The following BIN1 variants were observed in gnomAD, a reference collection of about 807,000 sequenced individuals.
BIN1 encodes the protein myc box-dependent-interacting protein 1.
Under a neutral mutation model 82.0 loss-of-function variants are expected in BIN1, and 53 were observed. The ratio of observed to expected loss-of-function variants is 0.65; its 90% confidence interval spans 0.52 to 0.81. BIN1 has a LOEUF of 0.81. BIN1 is among the 40% of genes least tolerant of loss of function. BIN1 has a pLI of 0.00. For missense variants in BIN1, 642 were observed against 784.4 expected, an observed-to-expected ratio of 0.82 and a Z score of 2.17; for synonymous variants, 302 against 328.0, an observed-to-expected ratio of 0.92 and a Z score of 0.86.
At chr2:127,058,600 C>A (rs1452567726) in intron 11 of BIN1, among the ~76,000 whole-genome samples, 1 of 152,156 alleles carries the variant, frequency 6.6e-6, no homozygotes, top group African/African-American at 2.4e-5. Context: ...CTGGCTTGGG[C>A]TCCTCCCTCA....
At chr2:127,085,353 A>C (rs1677991650) in intron 1 of BIN1, among the ~76,000 whole-genome samples, 2 of 152,246 alleles carry the variant, frequency 1.3e-5, no homozygotes, top group South Asian at 4.1e-4. Flanking sequence ...CAATGACTTT[A>C]AAGATAAGTG....
At chr2:127,105,470 T>C (rs10538293) in intron 1 of BIN1, among the ~76,000 whole-genome samples, 140 of 52,516 alleles carry the variant, frequency 2.7e-3, no homozygotes, top group South Asian at 7.7e-3. Context: ...CTTTAATCCC[T>C]CCTCCTCCTC....
intron 1 of BIN1, among the ~76,000 whole-genome samples, chr2:127,102,747 C>T (rs1180923041): frequency 1.3e-5 from 2 of 152,346 alleles, no homozygotes; most frequent in African/African-American, 2.4e-5. Flanking sequence ...CCACACACAC[C>T]TGGGCCCACC....
At position 127,048,521 on chromosome 2, in the gene BIN1, C is replaced by T. The variant is rs750204365; in HGVS notation, c.*5G>A. Reference sequence around the variant, plus strand: ...ACACGCCCGGAGGCTGCCTGGGCCCCGCCGTCATGGGACCCTCTCAGTGAA... The same window carrying T: ...ACACGCCCGGAGGCTGCCTGGGCCCTGCCGTCATGGGACCCTCTCAGTGAA... On this transcript the variant is annotated 3_prime_UTR_variant, in exon 19 of 19. Coordinates refer to ENST00000316724, the MANE Select transcript of BIN1 (RefSeq NM_139343.3). 5.0e-6 allele frequency: 8 copies of T among 1,613,664 alleles called. No homozygotes were observed. Among genetic ancestry groups the T allele is most frequent in the Admixed American group, 3.3e-5 (2 of 60,010 alleles).
Position 127,078,944 on chromosome 2 carries a change from G to T in BIN1, c.85-2238C>A, listed in dbSNP as rs915602737. On this transcript the variant is annotated intron_variant, in intron 1 of 18. Transcript: ENST00000316724. The stretch of plus-strand genomic sequence containing the variant: ...CCAGAGCCACCAGAGAGAGCCAGAA[G>T]CTCTCAGAAACAGGGCAGGGACTGC... Among the ~76,000 whole-genome samples the T allele has an allele frequency of 2.0e-5, 3 of 149,322 alleles. 1 individual carries two copies. The South Asian group carries it at 6.4e-4, about 32-fold the overall frequency.
chr2:127,101,448 C>A (rs1164221559), intron 1 of BIN1, among the ~76,000 whole-genome samples: 1 of 152,136 alleles, frequency 6.6e-6, no homozygotes, highest in African/African-American at 2.4e-5. Context: ...GGGACACATG[C>A]AGAAAGTCCT....
intron 1 of BIN1, among the ~76,000 whole-genome samples, chr2:127,105,469 CT>C (rs199528189): frequency 0.39 from 54,897 of 142,058 alleles, 10,538 homozygotes; most frequent in African/African-American, 0.48. Context: ...GCTTTAATCC[CT>C]CCTCCTCCTC....
At chr2:127,089,986 C>T (rs1678706782) in intron 1 of BIN1, among the ~76,000 whole-genome samples, 1 of 149,818 alleles carries the variant, frequency 6.7e-6, no homozygotes, top group Non-Finnish European at 1.5e-5. Flanking sequence ...ACGCCCTACT[C>T]CCCCAACCCC....
chr2:127,059,190 G>A lies in BIN1; in HGVS notation c.858-35C>T, dbSNP rs1422351865. 6.4e-7 allele frequency: 1 copy of A among 1,554,588 alleles called. No individual in the cohort carries two copies. The highest frequency in any genetic ancestry group is 8.7e-7 in the Non-Finnish European group (1 of 1,150,252). On this transcript the variant is annotated intron_variant, in intron 10 of 18. Transcript: ENST00000316724. The surrounding 1 kb of genome is among the most constrained non-coding windows in gnomAD (Gnocchi z 6.7). ...AGGACAAGAAAGGGAGCCCAGTGTT[G>A]GGGGGCCAAGGCACAGGAGACGGAG...
intron 1 of BIN1, among the ~76,000 whole-genome samples, chr2:127,081,043 A>G (rs892733623): frequency 5.9e-5 from 9 of 152,204 alleles, no homozygotes; most frequent in African/African-American, 2.2e-4. Context: ...GTGAGAGGGC[A>G]GAAGGCCCTG....
chr2:127,072,609 G>A (rs1686034021), intron 2 of BIN1, among the ~76,000 whole-genome samples: 1 of 136,930 alleles, frequency 7.3e-6, no homozygotes, highest in Non-Finnish European at 1.5e-5. Flanking sequence ...ATAATTTAAA[G>A]AGAGCATGTG....
At chr2:127,051,285 A>G (rs747527685) in intron 15 of BIN1, 42 bp from the exon 16 acceptor site, 1 of 1,603,004 alleles carries the variant, frequency 6.2e-7, no homozygotes, top group South Asian at 1.1e-5. Context: ...ACAGGACAGG[A>G]CACAGCCAGG....
At chr2:127,077,718 G>A (rs1174087045) in intron 1 of BIN1, among the ~76,000 whole-genome samples, 2 of 152,128 alleles carry the variant, frequency 1.3e-5, no homozygotes, top group African/African-American at 4.8e-5. Context: ...CACAGAAAAG[G>A]GATGAGGAGT....
chr2:127,056,134 C>T (rs2104921748), intron 12 of BIN1: 1 of 152,388 alleles, frequency 6.6e-6, no homozygotes, highest in Non-Finnish European at 1.5e-5. Context: ...GAAAACCAAA[C>T]AATGGGGTAT....
rs936528767 is a variant in BIN1 at position 127,075,566 on chromosome 2, C to T, written c.165+1060G>A. 3.9e-5 allele frequency among the ~76,000 whole-genome samples: 6 copies of T among 152,284 alleles called. No individual in the cohort carries two copies. The South Asian group carries it at 1.2e-3, about 32-fold the overall frequency. On this transcript the variant is annotated intron_variant, in intron 2 of 18. Coordinates refer to ENST00000316724, the MANE Select transcript of BIN1 (RefSeq NM_139343.3). ...TAAAGGACAATCAGCTAAGGGGGCT[C>T]CCCAATCCCTGTCCAGGGAAGCCTG...
chr2:127,100,296 G>A (rs1391848695), intron 1 of BIN1, among the ~76,000 whole-genome samples: 1 of 152,040 alleles, frequency 6.6e-6, no homozygotes, highest in Non-Finnish European at 1.5e-5. Flanking sequence ...CTAGACCCCA[G>A]GTGGAGCTGG....
rs1420447028 is a variant in BIN1, at chr2:127,101,008, G to GGGGGGGT, written c.84+5851_84+5852insACCCCCC. On this transcript the variant is annotated intron_variant, in intron 1 of 18. Transcript: ENST00000316724. Reference sequence around the variant, plus strand: ...CAAGGGTAGGAATGTGCGGGGGGTGGGGATAGACTCAAACTCAGCTGTCTA... The same window carrying GGGGGGGT: ...CAAGGGTAGGAATGTGCGGGGGGTGGGGGGGGTGGATAGACTCAAACTCAGCTGTCTA... 1.1e-4 allele frequency among the ~76,000 whole-genome samples: 15 copies of GGGGGGGT among 138,214 alleles called. No homozygotes were observed. In the East Asian group the frequency reaches 1.7e-3, roughly 16 times the overall value. The allele number at this position is 138,214 out of a possible 152,430, so 90.7% of individuals were successfully genotyped here.
chr2:127,067,224 G>A lies in BIN1; in HGVS notation c.612+939C>T. On this transcript the variant is annotated intron_variant, in intron 7 of 18. Transcript: ENST00000316724. This position sits in a 1 kb window ranked among gnomAD's most constrained non-coding sequence, Gnocchi z 4.7. ...GCCCAGAGAGAAACCCAACCTCCGG[G>A]GCCGGGCCCCTATCGCCAGCCTCTC... is the stretch of plus-strand genomic sequence containing the variant. Among the ~76,000 whole-genome samples the A allele has an allele frequency of 6.6e-6, 1 of 152,146 alleles. No individual in the cohort carries two copies. Among genetic ancestry groups the A allele is most frequent in the East Asian group, 1.9e-4 (1 of 5,184 alleles).
At chr2:127,083,217 C>T (rs1341129136) in intron 1 of BIN1, among the ~76,000 whole-genome samples, 4 of 151,900 alleles carry the variant, frequency 2.6e-5, no homozygotes, top group Admixed American at 6.6e-5. Context: ...TCCCGAGTAG[C>T]TGGGACTACA....
Sources: gnomAD v4.1 joint callset for allele counts (sites outside exome capture counted in the v4.1 genomes callset) on GRCh38, gnomAD v4.1.1 for gene constraint, Gnocchi (gnomAD v3.1) non-coding constraint, MANE v1.5 for transcripts, NCBI Gene and HGNC (gene_info 2026-07-23, HGNC 2026-07-21) for gene names.